RERE: variants seen among roughly 807,000 people sequenced by gnomAD.
The protein encoded by RERE is arginine-glutamic acid dipeptide repeats.
Under a neutral mutation model 146.1 loss-of-function variants are expected in RERE, and 40 were observed. The ratio of observed to expected loss-of-function variants is 0.27; its 90% CI spans 0.21 to 0.36. The LOEUF is 0.36. Among genes scored for constraint, RERE ranks in the 10% least tolerant of loss-of-function variants. The pLI is 1.00. For synonymous variants in RERE, 1,003 were observed against 866.0 expected (o/e 1.16, Z -2.78); for missense variants, 1,933 against 2,138.7 (o/e 0.90, Z 1.90).
intron 4 of RERE, among the ~76,000 whole-genome samples, chr1:8,576,184 TA>T (rs1401914582): frequency 1.3e-5 from 2 of 152,114 alleles, no homozygotes; most frequent in Admixed American, 6.6e-5. Context: ...AAGGGGTATT[TA>T]TTTGGCAACT....
At chr1:8,630,487 C>G (rs1346522543) in intron 2 of RERE, among the ~76,000 whole-genome samples, 1 of 152,158 alleles carries the variant, frequency 6.6e-6, no homozygotes, top group Non-Finnish European at 1.5e-5. Flanking sequence ...TATTCTAATA[C>G]TTCTTTAGGA....
chr1:8,403,352 G>A (rs1487208743), intron 12 of RERE, among the ~76,000 whole-genome samples: 1 of 151,828 alleles, frequency 6.6e-6, no homozygotes, highest in Non-Finnish European at 1.5e-5. Flanking sequence ...ATTCTCTCCT[G>A]CACTGGCTCT....
At chr1:8,614,463 C>T (rs1557436021) in intron 4 of RERE, 98 bp downstream of exon 4, 3 of 1,293,180 alleles carry the variant, frequency 2.3e-6, no homozygotes, top group East Asian at 2.4e-5. Context: ...TAATACAGCA[C>T]ATTTTAAAAG....
At chr1:8,359,136 T>C (rs749089465) in intron 19 of RERE, among the ~76,000 whole-genome samples, 3 of 152,162 alleles carry the variant, frequency 2.0e-5, no homozygotes, top group Non-Finnish European at 2.9e-5. Context: ...CAGGCCCAGA[T>C]GGGAATGTGT....
At chr1:8,560,113 A>C (rs74324642) in intron 4 of RERE, among the ~76,000 whole-genome samples, 25,075 of 152,212 alleles carry the variant, frequency 0.16, 2,388 homozygotes, top group Middle Eastern at 0.29. Flanking sequence ...CCAGGGGAAG[A>C]AGCAGCACCT....
chr1:8,764,380 G>A (rs1307645254), intron 1 of RERE, among the ~76,000 whole-genome samples: 1 of 151,908 alleles, frequency 6.6e-6, no homozygotes, highest in Non-Finnish European at 1.5e-5. Context: ...TACTGCTTCG[G>A]GTACTAACTC....
At chr1:8,410,204 A>AG (rs1201275851) in intron 12 of RERE, among the ~76,000 whole-genome samples, 2 of 151,706 alleles carry the variant, frequency 1.3e-5, no homozygotes, top group Non-Finnish European at 1.5e-5. Flanking sequence ...TGGGCAGGGG[A>AG]GGGGGGCCGC....
At chr1:8,551,021 G>T (rs948052638) in intron 6 of RERE, among the ~76,000 whole-genome samples, 1 of 152,092 alleles carries the variant, frequency 6.6e-6, no homozygotes, top group African/African-American at 2.4e-5. Flanking sequence ...GCTAATTTAG[G>T]GCTCCTTGGC....
At chr1:8,589,009 A>C (rs558281511) in intron 4 of RERE, among the ~76,000 whole-genome samples, 93 of 152,102 alleles carry the variant, frequency 6.1e-4, no homozygotes, top group Admixed American at 1.5e-3. Context: ...CTGTAATCCC[A>C]GCTACTTGGG....
chr1:8,516,227 G>GGAAAAAAAAAAAAAAAAAAAA lies in RERE; in HGVS notation c.831-7553_831-7552insTTTTTTTTTTTTTTTTTTTTC, dbSNP rs573135224. On this transcript the variant is annotated intron_variant, in intron 7 of 22. Coordinates refer to ENST00000400908, the MANE Select transcript of RERE (RefSeq NM_001042681.2). ...GGGACGGAGCAAGACTCTCTCAGAG[G>GGAAAAAAAAAAAAAAAAAAAA]AAAAAAAAAAAAAAAAAAAAAATCT... 4.8e-4 allele frequency among the ~76,000 whole-genome samples: 25 copies of GGAAAAAAAAAAAAAAAAAAAA among 52,304 alleles called. 7 individuals are homozygous for GGAAAAAAAAAAAAAAAAAAAA. The highest frequency in any genetic ancestry group is 2.1e-3 in the African/African-American group (24 of 11,598). 34.3% of individuals were successfully genotyped at this position (52,304 alleles called of 152,430 possible). A position where few individuals can be genotyped will look rare whatever the true frequency, so the allele number is the denominator to read the frequency against.
In RERE at chr1:8,526,726, C is replaced by A. The variant is rs986300775; in HGVS notation, c.830+14488G>T. ...CAAGTCTAGCTTGAAGAATCTAATT[C>A]TAACAATTAGAAAGACAGGAAGGTT... On this transcript the variant is annotated intron_variant, in intron 7 of 22. Transcript: ENST00000400908. Among the ~76,000 whole-genome samples, 5 of 152,154 alleles carry A rather than the reference C, an allele frequency of 3.3e-5. No homozygotes were observed. In the South Asian group the frequency reaches 6.2e-4, roughly 19 times the overall value.
intron 12 of RERE, among the ~76,000 whole-genome samples, chr1:8,413,666 A>G (rs1369077878): frequency 1.3e-5 from 2 of 152,254 alleles, no homozygotes; most frequent in South Asian, 4.1e-4. Context: ...AAGAGGGTGG[A>G]ACAAAACCCA....
intron 7 of RERE, among the ~76,000 whole-genome samples, chr1:8,531,007 TTCTATCTATCTATCTATCTATCTA>T (rs199738689): frequency 5.4e-4 from 76 of 140,352 alleles, no homozygotes; most frequent in South Asian, 2.9e-3. Flanking sequence ...GAACTGAGTT[TTCTATCTATCTATCTATCTATCTA>T]TCTATCTATC....
chr1:8,444,086 T>C (rs1392854533), intron 11 of RERE, among the ~76,000 whole-genome samples: 1 of 152,186 alleles, frequency 6.6e-6, no homozygotes, highest in East Asian at 1.9e-4. Context: ...GGTAGATCCA[T>C]CAGCAGCTTG....
chr1:8,556,594 G>A (rs989918144), intron 5 of RERE, 23 bp from the exon 6 acceptor site: 11 of 1,442,422 alleles, frequency 7.6e-6, no homozygotes, highest in South Asian at 3.5e-5. Context: ...TAATTAAGAC[G>A]ACATTAAAAC....
At chr1:8,414,502 G>C (rs1031932205) in intron 12 of RERE, among the ~76,000 whole-genome samples, 3 of 152,106 alleles carry the variant, frequency 2.0e-5, no homozygotes, top group African/African-American at 7.2e-5. Context: ...GTTGCGGTGA[G>C]CTGAGATCGC....
intron 7 of RERE, among the ~76,000 whole-genome samples, chr1:8,518,204 C>A (rs1281670696): frequency 2.0e-5 from 3 of 152,176 alleles, no homozygotes; most frequent in Non-Finnish European, 4.4e-5. Flanking sequence ...ATGGGAAGAA[C>A]ACATGAACAG....
intron 7 of RERE, among the ~76,000 whole-genome samples, chr1:8,516,579 C>T (rs1169399706): frequency 2.6e-5 from 4 of 152,126 alleles, no homozygotes; most frequent in Non-Finnish European, 5.9e-5. Context: ...AGACGTTACG[C>T]AGTTGCCCAA....
intron 1 of RERE, among the ~76,000 whole-genome samples, chr1:8,759,876 C>CAA (rs1640719346): frequency 1.3e-5 from 2 of 150,692 alleles, no homozygotes; most frequent in Admixed American, 6.6e-5. Flanking sequence ...CACACACACA[C>CAA]AATATGTCTT....
Sources: gnomAD v4.1 joint callset for allele counts (sites outside exome capture counted in the v4.1 genomes callset) on GRCh38, gnomAD v4.1.1 for gene constraint, MANE v1.5 for transcripts, NCBI Gene and HGNC (gene_info 2026-07-23, HGNC 2026-07-21) for gene names.